The following LINGO2 variants were observed in gnomAD, a reference collection of about 807,000 sequenced individuals.
The protein encoded by LINGO2 is leucine rich repeat and Ig domain containing 2.
LINGO2 carries 14 observed loss-of-function variants against 30.6 expected under a neutral mutation model. That is an observed-to-expected ratio of 0.46 (90% CI 0.30 to 0.72). The LOEUF (loss-of-function observed/expected upper bound fraction) is 0.72, where lower values mean the gene tolerates loss of function less well. Among genes scored for constraint, LINGO2 ranks in the 30% least tolerant of loss-of-function variants. The pLI, the probability that LINGO2 is intolerant of heterozygous loss-of-function variation, is 0.07. For synonymous variants in LINGO2, 317 were observed against 288.5 expected, an observed-to-expected ratio of 1.10 and a Z score of -1.00; for missense variants, 729 against 751.7, an observed-to-expected ratio of 0.97 and a Z score of 0.35.
At chr9:28,269,602 C>T (rs1273625648) in intron 4 of LINGO2, among the ~76,000 whole-genome samples, 1 of 152,102 alleles carries the variant, frequency 6.6e-6, no homozygotes, top group Non-Finnish European at 1.5e-5. Flanking sequence ...TTAAGTTTCA[C>T]AGCAAGGCAA....
At chr9:27,957,829 C>CA (rs1819651599) in intron 5 of LINGO2, among the ~76,000 whole-genome samples, 1 of 152,168 alleles carries the variant, frequency 6.6e-6, no homozygotes, top group South Asian at 2.1e-4. Flanking sequence ...AACAACTTTC[C>CA]AATTCACGAA....
At chr9:28,478,498 T>C (rs1825809827) in intron 1 of LINGO2, among the ~76,000 whole-genome samples, 1 of 152,100 alleles carries the variant, frequency 6.6e-6, no homozygotes, top group African/African-American at 2.4e-5. Flanking sequence ...TCTGATGGTG[T>C]TGATCTACCC....
the LINGO2 span, among the ~76,000 whole-genome samples, chr9:28,924,854 G>A: frequency 5.3e-5 from 8 of 152,076 alleles, no homozygotes; most frequent in Non-Finnish European, 1.0e-4. Flanking sequence ...ATTACATAAT[G>A]ACCTTGTCTC....
the LINGO2 span, among the ~76,000 whole-genome samples, chr9:29,039,723 G>A: frequency 6.6e-6 from 1 of 152,156 alleles, no homozygotes; most frequent in Admixed American, 6.6e-5. Context: ...TCCAGGGACA[G>A]GCCTGGTTTT....
chr9:28,494,720 T>C (rs1474040020), intron 1 of LINGO2, among the ~76,000 whole-genome samples: 1 of 152,244 alleles, frequency 6.6e-6, no homozygotes, highest in Admixed American at 6.5e-5. Context: ...TATAATCCTT[T>C]GGGTATATAC....
chr9:28,645,905 A>T (rs1827819004), intron 1 of LINGO2, among the ~76,000 whole-genome samples: 1 of 152,128 alleles, frequency 6.6e-6, no homozygotes, highest in African/African-American at 2.4e-5. Flanking sequence ...CTTTAGAGCT[A>T]AACAGACATG....
chr9:28,403,720 C>G (rs1311064806), intron 2 of LINGO2, among the ~76,000 whole-genome samples: 1 of 149,204 alleles, frequency 6.7e-6, no homozygotes, highest in African/African-American at 2.5e-5. Context: ...ATGCATGAAA[C>G]TTTAATCTAG....
At chr9:27,983,668 A>G (rs1477539626) in intron 5 of LINGO2, among the ~76,000 whole-genome samples, 1 of 151,882 alleles carries the variant, frequency 6.6e-6, no homozygotes. Context: ...TAAAATCACC[A>G]TTCAAAGTTC....
intron 3 of LINGO2, among the ~76,000 whole-genome samples, chr9:28,325,213 AT>A (rs1825185921): frequency 6.6e-6 from 1 of 152,102 alleles, no homozygotes. Flanking sequence ...GGGCATTTAT[AT>A]TAGAAAACTT....
intron 4 of LINGO2, among the ~76,000 whole-genome samples, chr9:28,190,651 C>G (rs1037536535): frequency 2.6e-5 from 4 of 152,124 alleles, no homozygotes; most frequent in Non-Finnish European, 5.9e-5. Flanking sequence ...GACTTCCCAG[C>G]CTTTAGAATT....
At chr9:28,143,607 G>A (rs145546582) in intron 4 of LINGO2, among the ~76,000 whole-genome samples, 1 of 152,142 alleles carries the variant, frequency 6.6e-6, no homozygotes, top group East Asian at 1.9e-4. Context: ...AATATGGACT[G>A]GATAATGACT....
chr9:28,184,034 G>T (rs767445895), intron 4 of LINGO2, among the ~76,000 whole-genome samples: 1 of 152,118 alleles, frequency 6.6e-6, no homozygotes, highest in Non-Finnish European at 1.5e-5. Context: ...CTAATCTTCT[G>T]CAATTGGTTC....
chr9:29,096,448 T>C, the LINGO2 span, among the ~76,000 whole-genome samples: 2 of 138,852 alleles, frequency 1.4e-5, no homozygotes, highest in Admixed American at 1.5e-4. Context: ...ATTATGCCCA[T>C]CTAATTTTTG....
Position 28,441,429 on chromosome 9 carries a change from T to C in LINGO2, c.-279+34511A>G, listed in dbSNP as rs57127671. Reference sequence around the variant, plus strand: ...GATAGACTTTACCTCATACTTCCTTTGATAGACTTTAGCCCATACTTCATG... The same window carrying C: ...GATAGACTTTACCTCATACTTCCTTCGATAGACTTTAGCCCATACTTCATG... On this transcript the variant is annotated intron_variant, in intron 2 of 5. Transcript: ENST00000379992. 1.6e-3 allele frequency among the ~76,000 whole-genome samples: 237 copies of C among 152,152 alleles called. 1 individual carries two copies. The highest frequency in any genetic ancestry group is 5.4e-3 in the African/African-American group (223 of 41,528).
chr9:27,949,702 G>A lies in LINGO2; in HGVS notation c.970C>T (p.Arg324Cys), dbSNP rs202210200. The A allele has an allele frequency of 3.2e-5, 51 of 1,614,002 alleles. No homozygotes were observed. Among genetic ancestry groups the A allele is most frequent in the Non-Finnish European group, 3.3e-5 (39 of 1,180,012 alleles). The change falls in exon 6 of 6, where the codon CGC (arginine) becomes TGC (cysteine). Residue 324 changes from arginine (R) to cysteine (C), a missense_variant. Physicochemically the swap from Arg to Cys is radical, Grantham distance 180. Transcript: ENST00000379992. ...AGGTTCTGAGACACATTGAGCACGC[G>A]TAGGAAGCGGAGCCCTTGGAAGGAG...
At chr9:27,964,141 G>A (rs1178395112) in intron 5 of LINGO2, among the ~76,000 whole-genome samples, 1 of 152,046 alleles carries the variant, frequency 6.6e-6, no homozygotes, top group Admixed American at 6.6e-5. Flanking sequence ...AGGAAGGAAT[G>A]GAAACTTTCA....
chr9:28,037,203 T>C (rs1053328462), intron 4 of LINGO2, among the ~76,000 whole-genome samples: 8 of 152,182 alleles, frequency 5.3e-5, no homozygotes, highest in Non-Finnish European at 1.0e-4. Context: ...CGGAGACAAC[T>C]CTGAATTGAA....
the LINGO2 span, among the ~76,000 whole-genome samples, chr9:29,152,437 A>G: frequency 6.6e-6 from 1 of 152,230 alleles, no homozygotes; most frequent in Admixed American, 6.5e-5. Context: ...GGACTGCATA[A>G]GGAAAATATG....
At chr9:28,199,581 G>A (rs1415777100) in intron 4 of LINGO2, among the ~76,000 whole-genome samples, 1 of 151,938 alleles carries the variant, frequency 6.6e-6, no homozygotes, top group East Asian at 1.9e-4. Context: ...CTTGTGATCC[G>A]CCTGCCTCGG....
Sources: gnomAD v4.1 joint callset for allele counts (sites outside exome capture counted in the v4.1 genomes callset) on GRCh38, gnomAD v4.1.1 for gene constraint, MANE v1.5 for transcripts, NCBI Gene and HGNC (gene_info 2026-07-23, HGNC 2026-07-21) for gene names.